The following PCDHGB1 variants were observed in gnomAD, a reference collection of about 807,000 sequenced individuals.
PCDHGB1 encodes protocadherin gamma subfamily B, 1.
PCDHGB1 carries 34 observed loss-of-function variants against 56.6 expected under a neutral mutation model. The observed-to-expected ratio is 0.60, with a 90% CI of 0.46 to 0.80. The LOEUF is 0.80. Ranked by LOEUF, PCDHGB1 falls within the 30% of genes least tolerant of loss-of-function variation. The probability of loss-of-function intolerance (pLI) is 0.00; values close to 1 mark genes in which losing one functional copy is unlikely to be tolerated. For synonymous variants in PCDHGB1, 561 were observed against 505.9 expected (o/e 1.11, Z -1.46); for missense variants, 1,278 against 1,204.6 (o/e 1.06, Z -0.90).
In PCDHGB1 at chr5:141,485,234, T is replaced by A. The variant is rs780126313; in HGVS notation, c.2410-9573T>A. 1 of 1,614,124 alleles carries A rather than the reference T, an allele frequency of 6.2e-7. No homozygotes were observed. The highest frequency in any genetic ancestry group is 1.1e-5 in the South Asian group (1 of 91,080). On this transcript the variant is annotated intron_variant, in intron 1 of 3. Transcript: ENST00000523390. This position sits in a 1 kb window ranked among gnomAD's most constrained non-coding sequence, Gnocchi z 5.7. ...GCGGTGGGCTACCCTTTTGTTCCTC[T>A]TTTACCACCTGGGTTACGTTTGTGG...
chr5:141,371,301 A>G (rs199851082), intron 1 of PCDHGB1: 272 of 1,613,872 alleles, frequency 1.7e-4, no homozygotes, highest in Non-Finnish European at 2.2e-4. Flanking sequence ...GGAACTCACC[A>G]CTATTGGAGA....
chr5:141,454,464 T>C (rs1365696226), intron 1 of PCDHGB1, among the ~76,000 whole-genome samples: 1 of 152,196 alleles, frequency 6.6e-6, no homozygotes, highest in Non-Finnish European at 1.5e-5. Flanking sequence ...TGGAGTGCAA[T>C]GGCATGATCT....
At chr5:141,423,050 G>T (rs1434973750) in intron 1 of PCDHGB1, 2 of 1,614,068 alleles carry the variant, frequency 1.2e-6, no homozygotes, top group Admixed American at 1.7e-5. Context: ...CTGTCCTATC[G>T]CCTGCTTAAG....
chr5:141,485,938 A>G lies in PCDHGB1; in HGVS notation c.2410-8869A>G. The stretch of plus-strand genomic sequence containing the variant: ...ACAGGATTAGTGTGTTGGAGAGCGC[A>G]CCAGCGGGCATGGTGCTCATCCAGC... On this transcript the variant is annotated intron_variant, in intron 1 of 3. Transcript: ENST00000523390. The surrounding 1 kb of genome is among the most constrained non-coding windows in gnomAD (Gnocchi z 5.7). 6.2e-7 allele frequency: 1 copy of G among 1,614,162 alleles called. No individual in the cohort carries two copies. The highest frequency in any genetic ancestry group is 1.3e-5 in the African/African-American group (1 of 75,028).
At chr5:141,452,781 A>G (rs575869415) in intron 1 of PCDHGB1, among the ~76,000 whole-genome samples, 10 of 152,302 alleles carry the variant, frequency 6.6e-5, no homozygotes, top group African/African-American at 2.4e-4. Flanking sequence ...CTGAGAAAGT[A>G]ACATACCATC....
At chr5:141,371,869 T>C (rs1159672282) in intron 1 of PCDHGB1, 2 of 1,613,426 alleles carry the variant, frequency 1.2e-6, no homozygotes, top group African/African-American at 1.3e-5. Flanking sequence ...TACTACATCG[T>C]GGCCAGTGAC....
rs1452602466 is a variant in PCDHGB1 at position 141,481,941 on chromosome 5, C to A, written c.2410-12866C>A. Among the ~76,000 whole-genome samples, 4 of 146,990 alleles carry A rather than the reference C, an allele frequency of 2.7e-5. No individual in the cohort carries two copies. The Admixed American group carries it at 2.7e-4, about 10-fold the overall frequency. On this transcript the variant is annotated intron_variant, in intron 1 of 3. Coordinates refer to ENST00000523390, the MANE Select transcript of PCDHGB1 (RefSeq NM_018922.3). ...AAAAAAAAAAAAAAAAAAAATCAGC[C>A]AGATGTGGTGGCAGGTGCCTGTAGT...
At chr5:141,410,440 G>C in intron 1 of PCDHGB1, 1 of 1,614,036 alleles carries the variant, frequency 6.2e-7, no homozygotes, top group Non-Finnish European at 8.5e-7. Context: ...ACAGTGAGGG[G>C]ACTTTGCCTT....
intron 1 of PCDHGB1, chr5:141,419,146 GCCT>G: frequency 6.2e-7 from 1 of 1,613,922 alleles, no homozygotes; most frequent in East Asian, 2.2e-5. Context: ...ACAGGGGCAA[GCCT>G]CCGTTATCCT....
At position 141,394,998 on chromosome 5, in the gene PCDHGB1, G is replaced by T. The variant is rs774774010; in HGVS notation, c.2409+42329G>T. On this transcript the variant is annotated intron_variant, in intron 1 of 3. Transcript: ENST00000523390. ...CAAGTCACGCCTGCTCCAGGATTCC[G>T]GTGGCAGATTGGTAGGCGTGCCTGC... The T allele has an allele frequency of 2.7e-5, 44 of 1,613,892 alleles. No homozygotes were observed. Among genetic ancestry groups the T allele is most frequent in the Non-Finnish European group, 3.1e-5 (36 of 1,179,930 alleles).
At chr5:141,389,195 C>T (rs764168847) in intron 1 of PCDHGB1, 2 of 1,614,052 alleles carry the variant, frequency 1.2e-6, no homozygotes, top group Non-Finnish European at 1.7e-6. Flanking sequence ...CCAGCATCAC[C>T]CTGCACATTG....
intron 1 of PCDHGB1, among the ~76,000 whole-genome samples, chr5:141,481,555 C>T (rs1013876865): frequency 3.3e-5 from 5 of 152,164 alleles, no homozygotes; most frequent in South Asian, 2.1e-4. Flanking sequence ...CAGTGGCTCA[C>T]GCCTGTAATC....
chr5:141,423,624 T>A (rs756883871), intron 1 of PCDHGB1: 9 of 1,607,038 alleles, frequency 5.6e-6, no homozygotes, highest in African/African-American at 1.3e-5. Flanking sequence ...AAGACTCAGC[T>A]ATCATTTTAG....
Position 141,477,704 on chromosome 5 carries a change from C to T in PCDHGB1, c.2410-17103C>T, listed in dbSNP as rs772195653. 30 of 1,613,968 alleles carry T rather than the reference C, an allele frequency of 1.9e-5. No homozygotes were observed. Among genetic ancestry groups the T allele is most frequent in the Admixed American group, 6.7e-5 (4 of 60,026 alleles). On this transcript the variant is annotated intron_variant, in intron 1 of 3. Transcript: ENST00000523390. This position sits in a 1 kb window ranked among gnomAD's most constrained non-coding sequence, Gnocchi z 4.9. Reference sequence around the variant, plus strand: ...CTTAGTGCCCCTAGACTATGAGGATCGGCGGGAATTTGAATTAACAGCTCA... The same window carrying T: ...CTTAGTGCCCCTAGACTATGAGGATTGGCGGGAATTTGAATTAACAGCTCA...
At chr5:141,353,413 T>G (rs929607532) in intron 1 of PCDHGB1, among the ~76,000 whole-genome samples, 2 of 152,224 alleles carry the variant, frequency 1.3e-5, no homozygotes, top group African/African-American at 4.8e-5. Flanking sequence ...TCTTCATCAA[T>G]TACATTCTAG....
At chr5:141,408,317 G>A in intron 1 of PCDHGB1, 1 of 1,613,892 alleles carries the variant, frequency 6.2e-7, no homozygotes, top group Non-Finnish European at 8.5e-7. Context: ...CTCGATTCCG[G>A]AGGAGCTGGC....
rs2154584583 is a variant in PCDHGB1, at chr5:141,490,717, A to G, written c.2410-4090A>G. The G allele has an allele frequency of 6.2e-7, 1 of 1,613,972 alleles. No individual in the cohort carries two copies. Among genetic ancestry groups the G allele is most frequent in the Non-Finnish European group, 8.5e-7 (1 of 1,179,936 alleles). On this transcript the variant is annotated intron_variant, in intron 1 of 3. Coordinates refer to ENST00000523390, the MANE Select transcript of PCDHGB1 (RefSeq NM_018922.3). The surrounding 1 kb of genome is among the most constrained non-coding windows in gnomAD (Gnocchi z 5.4). ...GGATAATGCCCGCCTCACCTACTCC[A>G]TTGTAGGAAATCAGGTTCAGGGAGC...
Position 141,360,572 on chromosome 5 carries a change from C to G in PCDHGB1, c.2409+7903C>G, listed in dbSNP as rs962315803. ...ATTAATTTAAAAATTGGCGAATCCA[C>G]TAAGCCAGGTACAACATTTCCACTT... On this transcript the variant is annotated intron_variant, in intron 1 of 3. Coordinates refer to ENST00000523390, the MANE Select transcript of PCDHGB1 (RefSeq NM_018922.3). 2.5e-6 allele frequency: 4 copies of G among 1,613,998 alleles called. No individual in the cohort carries two copies. The South Asian group carries it at 3.3e-5, about 13-fold the overall frequency.
In PCDHGB1 at chr5:141,489,574, C is replaced by T. The variant is rs963768096; in HGVS notation, c.2410-5233C>T. The T allele has an allele frequency of 2.5e-6, 4 of 1,613,978 alleles. No homozygotes were observed. The highest frequency in any genetic ancestry group is 3.4e-6 in the Non-Finnish European group (4 of 1,180,014). ...GCTGCCAGTGCAGGTGGTGACTGAA[C>T]ACCCCCTGGAGCTAATCCGTGTAGA... On this transcript the variant is annotated intron_variant, in intron 1 of 3. Coordinates refer to ENST00000523390, the MANE Select transcript of PCDHGB1 (RefSeq NM_018922.3). This position sits in a 1 kb window ranked among gnomAD's most constrained non-coding sequence, Gnocchi z 4.5.
Sources: gnomAD v4.1 joint callset for allele counts (sites outside exome capture counted in the v4.1 genomes callset) on GRCh38, gnomAD v4.1.1 for gene constraint, Gnocchi (gnomAD v3.1) non-coding constraint, MANE v1.5 for transcripts, NCBI Gene and HGNC (gene_info 2026-07-23, HGNC 2026-07-21) for gene names.